Variants in THSD7B observed in about 807,000 individuals in gnomAD.
THSD7B encodes thrombospondin type-1 domain-containing protein 7B.
In THSD7B, 138 loss-of-function variants were observed where a neutral mutation model predicts 213.6. That is an observed-to-expected ratio of 0.65 (90% CI 0.56 to 0.74). The LOEUF (loss-of-function observed/expected upper bound fraction) is 0.74, where lower values mean the gene tolerates loss of function less well. THSD7B is among the 30% of genes least tolerant of loss of function. The pLI is 0.00. For missense variants in THSD7B, 1,931 were observed against 1,991.5 expected (o/e 0.97, Z 0.58); for synonymous variants, 742 against 687.0 (o/e 1.08, Z -1.25).
At chr2:136,787,889 A>T (rs900158975) in intron 1 of THSD7B, among the ~76,000 whole-genome samples, 1 of 152,078 alleles carries the variant, frequency 6.6e-6, no homozygotes, top group Non-Finnish European at 1.5e-5. Context: ...CATGTCCCAG[A>T]TAGAGGCTGC....
chr2:137,292,812 C>T (rs2104835045), intron 12 of THSD7B, among the ~76,000 whole-genome samples: 1 of 152,252 alleles, frequency 6.6e-6, no homozygotes, highest in South Asian at 2.1e-4. Context: ...AGCACTTCTT[C>T]CTCATAACCC....
chr2:137,614,613 T>C (rs979006113), intron 17 of THSD7B, among the ~76,000 whole-genome samples: 3 of 152,132 alleles, frequency 2.0e-5, no homozygotes, highest in African/African-American at 4.8e-5. Flanking sequence ...TAGTGATAAA[T>C]TATTGGTAAG....
At chr2:137,395,679 C>T (rs376601884) in intron 12 of THSD7B, among the ~76,000 whole-genome samples, 1 of 152,138 alleles carries the variant, frequency 6.6e-6, no homozygotes, top group East Asian at 1.9e-4. Context: ...TGGCCTCATA[C>T]AATGAGTTAG....
At chr2:136,997,253 T>C (rs187197670) in intron 2 of THSD7B, among the ~76,000 whole-genome samples, 50 of 152,326 alleles carry the variant, frequency 3.3e-4, no homozygotes, top group African/African-American at 1.1e-3. Flanking sequence ...CTCCTTTTTC[T>C]TCCCTTTCAT....
chr2:137,364,452 A>G (rs60669058), intron 12 of THSD7B, among the ~76,000 whole-genome samples: 30,913 of 152,150 alleles, frequency 0.2, 3,348 homozygotes, highest in South Asian at 0.27. Flanking sequence ...AGCAAGTCAA[A>G]TTGTCCCTTT....
chr2:137,355,049 A>G (rs915966319), intron 12 of THSD7B, among the ~76,000 whole-genome samples: 2 of 152,172 alleles, frequency 1.3e-5, no homozygotes, highest in African/African-American at 4.8e-5. Context: ...ATCCACCATG[A>G]GTATCTTTAA....
intron 10 of THSD7B, among the ~76,000 whole-genome samples, chr2:137,247,045 A>T (rs924309947): frequency 2.0e-5 from 3 of 152,166 alleles, no homozygotes; most frequent in Non-Finnish European, 4.4e-5. Context: ...ATTTTACAAT[A>T]TGTCTTCACA....
intron 1 of THSD7B, among the ~76,000 whole-genome samples, chr2:136,823,017 G>T (rs188503053): frequency 3.3e-5 from 5 of 152,282 alleles, no homozygotes; most frequent in African/African-American, 4.8e-5. Flanking sequence ...TTATCAATAA[G>T]CACCTGTTTT....
chr2:137,283,495 T>C (rs1463257113), intron 12 of THSD7B, among the ~76,000 whole-genome samples: 1 of 152,178 alleles, frequency 6.6e-6, no homozygotes, highest in Non-Finnish European at 1.5e-5. Context: ...AAGGGAATGC[T>C]TCCAGTTTTT....
chr2:137,267,004 T>G (rs548347207), intron 10 of THSD7B, among the ~76,000 whole-genome samples: 126 of 152,340 alleles, frequency 8.3e-4, no homozygotes, highest in South Asian at 1.2e-3. Flanking sequence ...CCAAAGGGTC[T>G]CTTTACATAC....
In THSD7B at chr2:137,231,029, T is replaced by G; in HGVS notation, c.1724-15T>G. 3.7e-6 allele frequency: 6 copies of G among 1,610,826 alleles called. No homozygotes were observed. The highest frequency in any genetic ancestry group is 3.4e-6 in the Non-Finnish European group (4 of 1,178,412). ...GTGCATTAATCACCAACTGTCTTGATCTTGTTGATTGTAGGAGAAGATGTA... is the reference window on the plus strand; with the variant it reads ...GTGCATTAATCACCAACTGTCTTGAGCTTGTTGATTGTAGGAGAAGATGTA... On this transcript the variant is annotated splice_polypyrimidine_tract_variant and intron_variant, in intron 7 of 27. Transcript: ENST00000409968.
Position 137,667,795 on chromosome 2 carries a change from T to A in THSD7B, c.4673T>A (p.Val1558Asp). ...LDPDGRVKIW[V>D]YGVSGGAFLI... ...ACAGATGGCCGAGTAAAAATTTGGG[T>A]TTATGGCGTTTCAGGTGGCGCTTTT... Residue 1558 changes from valine (V) to aspartate (D), a missense_variant, in exon 27 of 28, where the codon GTT becomes GAT. By Grantham distance (152) the Val-to-Asp change is radical. Transcript: ENST00000409968. 1 of 1,606,126 alleles carries A rather than the reference T, an allele frequency of 6.2e-7. No homozygotes were observed. Among genetic ancestry groups the A allele is most frequent in the African/African-American group, 1.3e-5 (1 of 74,968 alleles).
chr2:136,783,905 G>C (rs147568404), intron 1 of THSD7B, among the ~76,000 whole-genome samples: 10 of 152,196 alleles, frequency 6.6e-5, no homozygotes, highest in African/African-American at 2.4e-4. Flanking sequence ...CATCAATTTC[G>C]TAAGAGAAAT....
At chr2:137,316,744 C>A (rs1362710673) in intron 12 of THSD7B, among the ~76,000 whole-genome samples, 5 of 128,168 alleles carry the variant, frequency 3.9e-5, no homozygotes, top group Non-Finnish European at 6.2e-5. Context: ...GGCGACAGAG[C>A]GAGACTCTGT....
At chr2:137,094,076 A>G (rs1406832103) in intron 3 of THSD7B, among the ~76,000 whole-genome samples, 6 of 152,244 alleles carry the variant, frequency 3.9e-5, no homozygotes. Context: ...TGAATATTCT[A>G]GTTTATATTT....
At chr2:137,299,532 A>G (rs911477674) in intron 12 of THSD7B, among the ~76,000 whole-genome samples, 4 of 152,070 alleles carry the variant, frequency 2.6e-5, no homozygotes, top group African/African-American at 9.7e-5. Context: ...CCAAATTTCA[A>G]CTTGAATTTT....
At chr2:137,570,989 A>G (rs1681343359) in intron 16 of THSD7B, among the ~76,000 whole-genome samples, 1 of 152,120 alleles carries the variant, frequency 6.6e-6, no homozygotes, top group Non-Finnish European at 1.5e-5. Context: ...GGGATGTGAT[A>G]TAAATAGAGA....
At chr2:137,392,429 C>A (rs548201550) in intron 12 of THSD7B, among the ~76,000 whole-genome samples, 2 of 151,992 alleles carry the variant, frequency 1.3e-5, no homozygotes, top group Admixed American at 1.3e-4. Flanking sequence ...CTGGGTGTTC[C>A]GGTGTTGGGT....
chr2:136,950,775 C>T (rs528084319), intron 2 of THSD7B, among the ~76,000 whole-genome samples: 15 of 152,222 alleles, frequency 9.9e-5, no homozygotes, highest in South Asian at 8.3e-4. Context: ...CTATTTTGCA[C>T]GATCCCATCA....
Sources: gnomAD v4.1 joint callset for allele counts (sites outside exome capture counted in the v4.1 genomes callset) on GRCh38, gnomAD v4.1.1 for gene constraint, MANE v1.5 for transcripts, NCBI Gene and HGNC (gene_info 2026-07-23, HGNC 2026-07-21) for gene names.